The following DMD variants were observed in gnomAD, a reference collection of about 807,000 sequenced individuals.
The protein encoded by DMD is dystrophin.
DMD carries 63 observed loss-of-function variants against 330.1 expected under a neutral mutation model. That is an observed-to-expected ratio of 0.19 (90% CI 0.16 to 0.24). DMD has a LOEUF of 0.24. Ranked by LOEUF, DMD falls within the 10% of genes least tolerant of loss-of-function variation. The pLI, the probability that DMD is intolerant of heterozygous loss-of-function variation, is 1.00. For missense variants in DMD, 3,344 were observed against 2,684.1 expected, an observed-to-expected ratio of 1.25 and a Z score of -5.43; for synonymous variants, 1,223 against 959.8, an observed-to-expected ratio of 1.27 and a Z score of -5.07.
At chrX:31,198,499 C>T (rs1384271306) in intron 67 of DMD, among the ~76,000 whole-genome samples, 1 of 111,950 alleles carries the variant, frequency 8.9e-6, no homozygotes, top group African/African-American at 3.3e-5. Context: ...ATTGTGTTAC[C>T]CTACACATTG....
chrX:32,577,041 A>C (rs1193042111), intron 13 of DMD, among the ~76,000 whole-genome samples: 2 of 111,853 alleles, frequency 1.8e-5, no homozygotes, highest in East Asian at 5.6e-4. Flanking sequence ...TGCCCCACCT[A>C]CTACATCGGA....
At chrX:32,539,363 T>C (rs1276217852) in intron 17 of DMD, among the ~76,000 whole-genome samples, 1 of 110,963 alleles carries the variant, frequency 9.0e-6, no homozygotes, top group Admixed American at 9.6e-5. Context: ...GGACCTCAAT[T>C]AACCTGTAAA....
intron 29 of DMD, among the ~76,000 whole-genome samples, chrX:32,417,633 AG>A (rs1458238163): frequency 9.0e-6 from 1 of 111,660 alleles, no homozygotes; most frequent in East Asian, 2.8e-4. Flanking sequence ...GGAAGAAGAC[AG>A]CCATGTTTGA....
chrX:32,859,511 A>AC (rs1491259729), intron 2 of DMD, among the ~76,000 whole-genome samples: 1 of 96,882 alleles, frequency 1.0e-5, no homozygotes, highest in Non-Finnish European at 2.1e-5. Context: ...ACACACACAC[A>AC]AGTTAAAGTC....
chrX:33,015,068 G>C (rs1194237775), intron 2 of DMD, among the ~76,000 whole-genome samples: 2 of 111,468 alleles, frequency 1.8e-5, no homozygotes, highest in Non-Finnish European at 1.9e-5. Context: ...CTGTTGGTGG[G>C]AGAGTAAATG....
chrX:32,401,541 T>A (rs1451516912), intron 30 of DMD, among the ~76,000 whole-genome samples: 1 of 110,162 alleles, frequency 9.1e-6, no homozygotes, highest in Non-Finnish European at 1.9e-5. Flanking sequence ...AGATAGAGAG[T>A]AGAAGGATCC....
chrX:33,160,302 G>A (rs745967022), intron 1 of DMD, among the ~76,000 whole-genome samples: 1 of 111,393 alleles, frequency 9.0e-6, no homozygotes, highest in Non-Finnish European at 1.9e-5. Flanking sequence ...TATCAGCAAC[G>A]CGTTTAGGAA....
chrX:32,715,597 G>T (rs2065632379), intron 7 of DMD, among the ~76,000 whole-genome samples: 1 of 108,406 alleles, frequency 9.2e-6, no homozygotes, highest in African/African-American at 3.4e-5. Flanking sequence ...GAGGTCAGGA[G>T]TTTGAGACCC....
At chrX:32,856,643 TGATGTTTACCA>T (rs1461656243) in intron 2 of DMD, among the ~76,000 whole-genome samples, 2 of 111,734 alleles carry the variant, frequency 1.8e-5, no homozygotes, top group Non-Finnish European at 3.8e-5. Flanking sequence ...GAGAGTAGAA[TGATGTTTACCA>T]GAGTGTAGTA....
chrX:32,594,690 A>G (rs1340263242), intron 13 of DMD, among the ~76,000 whole-genome samples: 2 of 111,259 alleles, frequency 1.8e-5, no homozygotes, highest in East Asian at 5.6e-4. Context: ...ATCTTTTAAT[A>G]CTTTATGATT....
chrX:32,844,417 A>AAAAAG (rs1281080010), intron 4 of DMD, among the ~76,000 whole-genome samples: 167 of 59,216 alleles, frequency 2.8e-3, no homozygotes, highest in African/African-American at 4.2e-3. Context: ...AAAAAAAAAA[A>AAAAAG]AAAAGAAAAG....
Position 32,844,840 on chromosome X carries a change from T to G in DMD, c.207A>C (p.Thr69=), listed in dbSNP as rs774135516. 4 of 1,211,475 alleles carry G rather than the reference T, an allele frequency of 3.3e-6. No homozygotes were observed. In the South Asian group the frequency reaches 7.0e-5, roughly 21 times the overall value. ...TGACATTGTTCAGGGCATGAACTCT[T>G]GTGGATCCTTTTTCTTTTGGCTGAG... The part of the protein sequence containing the change: ...GQKLPKEKGS[T]RVHALNNVNK... The change falls in exon 4 of 79, where the codon ACA becomes ACC. Residue 69 remains threonine (T), a synonymous_variant. Transcript: ENST00000357033.
intron 9 of DMD, among the ~76,000 whole-genome samples, chrX:32,656,759 CACAGT>C (rs1221442040): frequency 2.7e-5 from 3 of 111,567 alleles, no homozygotes; most frequent in African/African-American, 9.8e-5. Flanking sequence ...TGCCTAACAG[CACAGT>C]ACACAGATAA....
chrX:31,558,617 G>A (rs2074995117), intron 55 of DMD, among the ~76,000 whole-genome samples: 1 of 110,271 alleles, frequency 9.1e-6, no homozygotes, highest in African/African-American at 3.3e-5. Context: ...AAAGAACTAT[G>A]AAAGAATTAT....
rs192076729 is a variant in DMD, at chrX:31,427,020, C to G, written c.9084+17461G>C. ...GCCAAATAAGGTAAAAAGGTCAAAA[C>G]AATCTTAGTGAAATTGTTTCCTTAT... On this transcript the variant is annotated intron_variant, in intron 60 of 78. Transcript: ENST00000357033. 4.7e-3 allele frequency among the ~76,000 whole-genome samples: 525 copies of G among 112,023 alleles called. 2 individuals are homozygous for G. Among genetic ancestry groups the G allele is most frequent in the Middle Eastern group, 9.2e-3 (2 of 217 alleles).
intron 2 of DMD, among the ~76,000 whole-genome samples, chrX:32,952,365 C>T (rs1221757539): frequency 1.8e-5 from 2 of 110,729 alleles, no homozygotes; most frequent in African/African-American, 6.6e-5. Flanking sequence ...AACTCCTGAC[C>T]TCATGATCCG....
At chrX:32,920,674 A>G (rs1370596846) in intron 2 of DMD, among the ~76,000 whole-genome samples, 2 of 112,331 alleles carry the variant, frequency 1.8e-5, no homozygotes, top group Non-Finnish European at 3.8e-5. Context: ...TATTTGTTGA[A>G]TGTTTACTTC....
intron 9 of DMD, among the ~76,000 whole-genome samples, chrX:32,669,762 T>C (rs1181052989): frequency 9.0e-6 from 1 of 111,373 alleles, no homozygotes; most frequent in Non-Finnish European, 1.9e-5. Flanking sequence ...TCCATTCAGC[T>C]TCATAAGTCC....
At chrX:31,840,219 C>T (rs2093288450) in intron 48 of DMD, among the ~76,000 whole-genome samples, 1 of 111,500 alleles carries the variant, frequency 9.0e-6, no homozygotes, top group South Asian at 3.7e-4. Context: ...TTATATTATT[C>T]CAACCTTTAA....
Sources: allele counts gnomAD v4.1 joint callset (sites outside exome capture counted in the v4.1 genomes callset), GRCh38; gene constraint gnomAD v4.1.1; transcripts MANE v1.5; gene names NCBI Gene and HGNC (gene_info 2026-07-23, HGNC 2026-07-21).